The following ROBO2 variants were observed in gnomAD, a reference collection of about 807,000 sequenced individuals.
ROBO2 encodes roundabout guidance receptor 2.
Under a neutral mutation model 160.8 loss-of-function variants are expected in ROBO2, and 53 were observed. The observed-to-expected ratio is 0.33, with a 90% confidence interval of 0.26 to 0.41. The LOEUF is 0.41. Ranked by LOEUF, ROBO2 falls within the 10% of genes least tolerant of loss-of-function variation. ROBO2 has a pLI of 1.00. For synonymous variants in ROBO2, 664 were observed against 611.7 expected, an observed-to-expected ratio of 1.09 and a Z score of -1.26; for missense variants, 1,577 against 1,722.4, an observed-to-expected ratio of 0.92 and a Z score of 1.49.
At chr3:76,728,910 G>GT (rs11298795) in intron 2 of ROBO2, among the ~76,000 whole-genome samples, 1 of 151,604 alleles carries the variant, frequency 6.6e-6, no homozygotes, top group African/African-American at 2.4e-5. Flanking sequence ...ACCATAAGTT[G>GT]TTTTTTTTTT....
At chr3:76,873,107 G>GAAT (rs1392459492) in intron 2 of ROBO2, among the ~76,000 whole-genome samples, 1 of 152,054 alleles carries the variant, frequency 6.6e-6, no homozygotes, top group African/African-American at 2.4e-5. Context: ...TTCTTCAGAA[G>GAAT]AATAATGTTA....
chr3:76,233,188 C>T (rs764672031), intron 2 of ROBO2, among the ~76,000 whole-genome samples: 8 of 151,942 alleles, frequency 5.3e-5, no homozygotes, highest in South Asian at 2.1e-4. Context: ...CTTGTCTCCC[C>T]GGATAGAATG....
intron 2 of ROBO2, among the ~76,000 whole-genome samples, chr3:77,307,855 G>A (rs1242997018): frequency 2.6e-5 from 4 of 152,086 alleles, no homozygotes; most frequent in Non-Finnish European, 5.9e-5. Context: ...CTACTCAGGA[G>A]GCCAAGGCAG....
intron 2 of ROBO2, among the ~76,000 whole-genome samples, chr3:76,893,741 C>T (rs1472873246): frequency 1.3e-5 from 2 of 152,054 alleles, no homozygotes; most frequent in African/African-American, 4.8e-5. Flanking sequence ...TTACTCTACT[C>T]TGCTGTGGAA....
chr3:76,130,622 T>C (rs1376127145), intron 2 of ROBO2, among the ~76,000 whole-genome samples: 1 of 152,242 alleles, frequency 6.6e-6, no homozygotes, highest in South Asian at 2.1e-4. Context: ...CCCCCACTGA[T>C]ATCTTCTTAC....
chr3:77,562,582 G>T (rs748897437), intron 9 of ROBO2, 69 bp from the exon 11 acceptor site: 2 of 1,064,344 alleles, frequency 1.9e-6, no homozygotes, highest in South Asian at 2.6e-5. Flanking sequence ...ATATTGCCTG[G>T]CTGTCATTGA....
chr3:76,287,714 T>A (rs972171492), intron 2 of ROBO2, among the ~76,000 whole-genome samples: 1 of 152,250 alleles, frequency 6.6e-6, no homozygotes, highest in Admixed American at 6.5e-5. Flanking sequence ...ATTGCAACTG[T>A]TTAATCTCAA....
rs775720 is a variant in ROBO2 at position 77,594,888 on chromosome 3, A to G, written c.2684-254A>G. On this transcript the variant is annotated intron_variant, in intron 17 of 25. Coordinates refer to ENST00000461745, the Ensembl canonical transcript of ROBO2. ...TGTAACAGGTTTGACATTTAAATACAAATTAGTTCTTTAACTTAACCATGG... is the reference window on the plus strand; with the variant it reads ...TGTAACAGGTTTGACATTTAAATACGAATTAGTTCTTTAACTTAACCATGG... Among the ~76,000 whole-genome samples the G allele has an allele frequency of 0.59, 90,103 of 152,014 alleles. 26,774 individuals carry two copies. The highest frequency in any genetic ancestry group is 0.71 in the Middle Eastern group (210 of 294).
chr3:77,257,513 T>C (rs969244739), intron 2 of ROBO2, among the ~76,000 whole-genome samples: 1 of 151,990 alleles, frequency 6.6e-6, no homozygotes, highest in African/African-American at 2.4e-5. Flanking sequence ...TCAAAAAGAG[T>C]GATTGCTAGA....
At chr3:75,986,128 A>G (rs1186494196) in intron 2 of ROBO2, among the ~76,000 whole-genome samples, 1 of 151,646 alleles carries the variant, frequency 6.6e-6, no homozygotes, top group Non-Finnish European at 1.5e-5. Context: ...TGCTTTCTAC[A>G]GTGGCTGTAT....
At chr3:76,830,896 G>A (rs991311504) in intron 2 of ROBO2, among the ~76,000 whole-genome samples, 1 of 152,006 alleles carries the variant, frequency 6.6e-6, no homozygotes, top group Admixed American at 6.6e-5. Flanking sequence ...GGCTGAAGTG[G>A]GAGGATAGTT....
intron 2 of ROBO2, among the ~76,000 whole-genome samples, chr3:76,060,502 C>G (rs1255098181): frequency 6.6e-6 from 1 of 152,166 alleles, no homozygotes; most frequent in Non-Finnish European, 1.5e-5. Flanking sequence ...AATTTTGGCT[C>G]CAGATCTTTT....
At chr3:76,938,516 GCTCT>G (rs922353518) in intron 2 of ROBO2, among the ~76,000 whole-genome samples, 2 of 151,124 alleles carry the variant, frequency 1.3e-5, no homozygotes, top group Non-Finnish European at 3.0e-5. Flanking sequence ...CTGGTGATCT[GCTCT>G]CTCTCTCTCT....
intron 1 of ROBO2, among the ~76,000 whole-genome samples, chr3:77,060,600 T>C (rs2066201578): frequency 6.6e-6 from 1 of 152,060 alleles, no homozygotes; most frequent in Non-Finnish European, 1.5e-5. Context: ...ACTTGAAAAA[T>C]AGCAAATGCA....
intron 2 of ROBO2, among the ~76,000 whole-genome samples, chr3:77,175,188 A>G (rs1306055816): frequency 2.0e-5 from 3 of 152,118 alleles, no homozygotes; most frequent in Non-Finnish European, 4.4e-5. Context: ...TAATTGTTAG[A>G]ACCAGAGTTT....
chr3:76,611,349 T>G (rs769207799), intron 2 of ROBO2, among the ~76,000 whole-genome samples: 4 of 152,102 alleles, frequency 2.6e-5, no homozygotes, highest in Non-Finnish European at 5.9e-5. Flanking sequence ...GGATTTGTAT[T>G]TTTTTTCTTT....
intron 2 of ROBO2, among the ~76,000 whole-genome samples, chr3:76,675,441 C>T (rs751710135): frequency 3.3e-5 from 5 of 151,992 alleles, no homozygotes; most frequent in Admixed American, 6.6e-5. Flanking sequence ...GAAAAAGAAA[C>T]GAAAACACAT....
chr3:77,501,815 G>A (rs796118100), intron 5 of ROBO2, among the ~76,000 whole-genome samples: 1 of 151,928 alleles, frequency 6.6e-6, no homozygotes, highest in Admixed American at 6.6e-5. Flanking sequence ...TGTATAGAAG[G>A]CATCTTGTAA....
intron 2 of ROBO2, among the ~76,000 whole-genome samples, chr3:76,902,849 G>T (rs1330213343): frequency 1.3e-5 from 2 of 151,724 alleles, no homozygotes; most frequent in East Asian, 3.9e-4. Context: ...GTTTTAAAAA[G>T]ATCTTATTTC....
Sources: gnomAD v4.1 joint callset for allele counts (sites outside exome capture counted in the v4.1 genomes callset) on GRCh38, gnomAD v4.1.1 for gene constraint, MANE v1.5 for transcripts, NCBI Gene and HGNC (gene_info 2026-07-23, HGNC 2026-07-21) for gene names.